OR2L13: variants seen among roughly 807,000 people sequenced by gnomAD.
The protein encoded by OR2L13 is olfactory receptor 2L13.
OR2L13 carries 14 observed loss-of-function variants against 15.3 expected under a neutral mutation model. The ratio of observed to expected loss-of-function variants is 0.91; its 90% CI spans 0.60 to 1.43. The LOEUF is 1.43. Among genes scored for constraint, OR2L13 ranks in the 40% most tolerant of loss-of-function variants. OR2L13 has a pLI of 0.00. For missense variants in OR2L13, 367 were observed against 387.9 expected (o/e 0.95, Z 0.45); for synonymous variants, 152 against 142.9 (o/e 1.06, Z -0.45).
chr1:247,950,077 T>C, the OR2L13 span, among the ~76,000 whole-genome samples: 24 of 151,690 alleles, frequency 1.6e-4, no homozygotes, highest in Admixed American at 1.5e-3. Flanking sequence ...AAAATGAAAA[T>C]GGCCTAACTG....
the OR2L13 span, among the ~76,000 whole-genome samples, chr1:247,964,448 G>A: frequency 1.3e-5 from 2 of 152,110 alleles, no homozygotes; most frequent in African/African-American, 4.8e-5. Context: ...CAAAGAGTAT[G>A]AAATTTGCAC....
chr1:247,993,712 C>T, the OR2L13 span, among the ~76,000 whole-genome samples: 33 of 140,572 alleles, frequency 2.3e-4, no homozygotes, highest in Non-Finnish European at 4.4e-4. Flanking sequence ...CCAACAAATT[C>T]CTGTGGTGCT....
the OR2L13 span, chr1:247,975,791 G>T: frequency 2.7e-6 from 1 of 375,148 alleles, no homozygotes; most frequent in Non-Finnish European, 4.7e-6. Flanking sequence ...TTAAAATTGA[G>T]TCTTGACATT....
the OR2L13 span, among the ~76,000 whole-genome samples, chr1:247,967,894 TTCC>T: frequency 6.6e-6 from 1 of 151,184 alleles, no homozygotes; most frequent in South Asian, 2.1e-4. Flanking sequence ...TTCCTCCTCC[TTCC>T]TCGTCCTCTT....
At chr1:248,082,712 AG>A in the OR2L13 span, among the ~76,000 whole-genome samples, 33 of 152,286 alleles carry the variant, frequency 2.2e-4, no homozygotes, top group African/African-American at 7.9e-4. Flanking sequence ...AACCTTTAGA[AG>A]GTGTCCCAAA....
chr1:248,070,435 A>G, the OR2L13 span, among the ~76,000 whole-genome samples: 8,041 of 152,194 alleles, frequency 0.053, 715 homozygotes, highest in African/African-American at 0.18. Context: ...AACAAGAACA[A>G]AGACACAACA....
At chr1:247,990,814 A>G in the OR2L13 span, 6 of 1,601,988 alleles carry the variant, frequency 3.7e-6, no homozygotes, top group Admixed American at 1.0e-4. Flanking sequence ...TGTTCCAGCT[A>G]TGTTGACCCT....
the OR2L13 span, chr1:248,013,710 C>T: frequency 4.6e-5 from 7 of 152,094 alleles, no homozygotes; most frequent in East Asian, 3.9e-4. Flanking sequence ...AAAGGCAGTG[C>T]GTGTTTGAAA....
chr1:247,993,090 C>G, the OR2L13 span, among the ~76,000 whole-genome samples: 2 of 152,082 alleles, frequency 1.3e-5, no homozygotes, highest in Non-Finnish European at 2.9e-5. Context: ...AATGGTCTCT[C>G]ATTGTGGCTC....
chr1:248,028,140 CAAAAAAA>C, the OR2L13 span, among the ~76,000 whole-genome samples: 6 of 37,780 alleles, frequency 1.6e-4, no homozygotes, highest in Admixed American at 3.9e-4. Context: ...GATTCCGTCT[CAAAAAAA>C]AAAAAAAAAA....
the OR2L13 span, among the ~76,000 whole-genome samples, chr1:248,056,283 A>G: frequency 6.6e-6 from 1 of 151,790 alleles, no homozygotes; most frequent in East Asian, 1.9e-4. Flanking sequence ...TACCTAGTTT[A>G]TTGATTTTTT....
the OR2L13 span, chr1:247,965,513 T>TA: frequency 6.2e-7 from 1 of 1,613,534 alleles, no homozygotes. Flanking sequence ...ATCATGCTGA[T>TA]CCACCTCATT....
the OR2L13 span, among the ~76,000 whole-genome samples, chr1:248,082,912 A>G: frequency 3.3e-5 from 5 of 152,210 alleles, no homozygotes; most frequent in Non-Finnish European, 7.3e-5. Flanking sequence ...TAACCTTAAA[A>G]CATGTGTAGA....
chr1:247,941,641 AAG>A, the OR2L13 span, among the ~76,000 whole-genome samples: 126 of 151,268 alleles, frequency 8.3e-4, 1 homozygote, highest in Admixed American at 1.3e-3. Flanking sequence ...GATAGAGAAA[AAG>A]AGAGAGAGAG....
the OR2L13 span, among the ~76,000 whole-genome samples, chr1:247,980,165 A>C: frequency 8.6e-3 from 1,308 of 152,256 alleles, 14 homozygotes; most frequent in African/African-American, 0.029. Context: ...TTAATTACTA[A>C]ATATACCCTA....
the OR2L13 span, among the ~76,000 whole-genome samples, chr1:248,074,852 T>G: frequency 6.6e-6 from 1 of 152,214 alleles, no homozygotes; most frequent in Admixed American, 6.5e-5. Flanking sequence ...AATAAAAATC[T>G]TAGAAGACAT....
chr1:247,960,975 A>G, the OR2L13 span, among the ~76,000 whole-genome samples: 11 of 152,230 alleles, frequency 7.2e-5, no homozygotes, highest in Non-Finnish European at 2.9e-5. Flanking sequence ...ATCCTGTGTG[A>G]GATGAACCCG....
At chr1:247,971,252 A>G in the OR2L13 span, among the ~76,000 whole-genome samples, 1 of 151,760 alleles carries the variant, frequency 6.6e-6, no homozygotes, top group Non-Finnish European at 1.5e-5. Context: ...CTTTTCTTCA[A>G]ATAAGGAGCA....
chr1:248,012,053 G>T, the OR2L13 span, among the ~76,000 whole-genome samples: 12,583 of 152,184 alleles, frequency 0.083, 653 homozygotes, highest in East Asian at 0.16. Flanking sequence ...AAACCAAACA[G>T]CTCAGTTTTA....
Sources: gnomAD v4.1 joint callset for allele counts (sites outside exome capture counted in the v4.1 genomes callset) on GRCh38, gnomAD v4.1.1 for gene constraint, MANE v1.5 for transcripts, NCBI Gene and HGNC (gene_info 2026-07-23, HGNC 2026-07-21) for gene names.